The following MAST4 variants were observed in gnomAD, a reference collection of about 807,000 sequenced individuals.
MAST4 encodes microtubule-associated serine/threonine-protein kinase 4.
In MAST4, 89 loss-of-function variants were observed where a neutral mutation model predicts 162.7. The ratio of observed to expected loss-of-function variants is 0.55; its 90% CI spans 0.46 to 0.65. MAST4 has a LOEUF of 0.65. Ranked by LOEUF, MAST4 falls within the 30% of genes least tolerant of loss-of-function variation. The pLI, the probability that MAST4 is intolerant of heterozygous loss-of-function variation, is 0.00. For missense variants in MAST4, 3,153 were observed against 3,374.0 expected, an observed-to-expected ratio of 0.93 and a Z score of 1.62; for synonymous variants, 1,479 against 1,361.1, an observed-to-expected ratio of 1.09 and a Z score of -1.91.
At chr5:66,863,700 A>AG (rs1431103212) in intron 3 of MAST4, among the ~76,000 whole-genome samples, 1 of 152,112 alleles carries the variant, frequency 6.6e-6, no homozygotes, top group Non-Finnish European at 1.5e-5. Context: ...TCCTGGCAGG[A>AG]GACAGGAGAC....
At chr5:66,788,870 T>G in intron 3 of MAST4, 76 bp downstream of exon 3, 1 of 1,434,818 alleles carries the variant, frequency 7.0e-7, no homozygotes. Context: ...TAATTGAGTT[T>G]AACTATATTT....
chr5:66,934,981 A>T (rs1742580082), intron 4 of MAST4, among the ~76,000 whole-genome samples: 1 of 152,168 alleles, frequency 6.6e-6, no homozygotes, highest in Non-Finnish European at 1.5e-5. Flanking sequence ...GTGTTTTTTC[A>T]GTAGGTAAGG....
At chr5:66,885,927 T>C (rs565151684) in intron 3 of MAST4, among the ~76,000 whole-genome samples, 3 of 152,346 alleles carry the variant, frequency 2.0e-5, no homozygotes, top group African/African-American at 4.8e-5. Context: ...GTGCTCAGTG[T>C]GTGCCAGTTA....
intron 4 of MAST4, chr5:67,004,893 A>AT (rs66551443): frequency 0.24 from 152,712 of 629,962 alleles, 11,500 homozygotes; most frequent in Non-Finnish European, 0.26. Context: ...GATAATTGGG[A>AT]TTTTTTTTTT....
intron 1 of MAST4, among the ~76,000 whole-genome samples, chr5:66,632,811 T>G (rs533129667): frequency 6.6e-6 from 1 of 152,292 alleles, no homozygotes; most frequent in South Asian, 2.1e-4. Context: ...AAATGAAGTG[T>G]TTTATATATA....
At chr5:66,921,406 A>G (rs1298423245) in intron 4 of MAST4, among the ~76,000 whole-genome samples, 1 of 152,166 alleles carries the variant, frequency 6.6e-6, no homozygotes, top group Non-Finnish European at 1.5e-5. Flanking sequence ...ATTTATATCA[A>G]ACTGAAATAA....
At chr5:67,018,447 C>T (rs1170978109) in intron 4 of MAST4, among the ~76,000 whole-genome samples, 2 of 151,912 alleles carry the variant, frequency 1.3e-5, no homozygotes, top group Non-Finnish European at 2.9e-5. Context: ...CCCGAGAGGT[C>T]GCAGCTGCAG....
At chr5:66,669,893 A>T (rs1285061718) in intron 1 of MAST4, among the ~76,000 whole-genome samples, 1 of 152,218 alleles carries the variant, frequency 6.6e-6, no homozygotes, top group Non-Finnish European at 1.5e-5. Context: ...TTGCCAGGAA[A>T]AAATGGGCAA....
At position 66,918,228 on chromosome 5, in the gene MAST4, GT is replaced by G. The variant is rs1561444176; in HGVS notation, c.674+18251del. Among the ~76,000 whole-genome samples, 11 of 152,170 alleles carry G rather than the reference GT, an allele frequency of 7.2e-5. No homozygotes were observed. The South Asian group carries it at 2.3e-3, about 32-fold the overall frequency. On this transcript the variant is annotated intron_variant, in intron 4 of 28. Coordinates refer to ENST00000403625, the MANE Select transcript of MAST4 (RefSeq NM_001164664.2). ...GGGTTAAAGTTTTCAATGAATGTAA[GT>G]TTTTAGTTTGCATGTCTGTTTATGT...
intron 3 of MAST4, among the ~76,000 whole-genome samples, chr5:66,890,270 G>C (rs1462986642): frequency 6.6e-6 from 1 of 152,122 alleles, no homozygotes; most frequent in Non-Finnish European, 1.5e-5. Context: ...TCATGTAACT[G>C]TTGGCTACTA....
At chr5:66,859,426 G>A (rs1759928185) in intron 3 of MAST4, among the ~76,000 whole-genome samples, 1 of 152,114 alleles carries the variant, frequency 6.6e-6, no homozygotes, top group African/African-American at 2.4e-5. Context: ...ACACAGGTCA[G>A]TGTCTTCATT....
intron 1 of MAST4, among the ~76,000 whole-genome samples, chr5:66,669,028 A>G (rs1465567740): frequency 1.3e-5 from 2 of 152,248 alleles, no homozygotes; most frequent in Non-Finnish European, 2.9e-5. Context: ...CTTACTGGAT[A>G]TAGTGAGACT....
At chr5:66,683,683 G>T (rs1391966215) in intron 1 of MAST4, among the ~76,000 whole-genome samples, 2 of 152,132 alleles carry the variant, frequency 1.3e-5, no homozygotes, top group African/African-American at 2.4e-5. Flanking sequence ...CCTGCCTTGG[G>T]GTTGTTAAGA....
chr5:67,145,180 A>G lies in MAST4; in HGVS notation c.2895A>G (p.Glu965=). ...CAACATCCAACTCTTCAGATACTGA[A>G]AGCAACAGACATAAACTCAGTTCTG... ...QLSTSNSSDT[E]SNRHKLSSGL... Residue 965 remains glutamate (E), a synonymous_variant, in exon 23 of 29, where the codon GAA becomes GAG. Coordinates refer to ENST00000403625, the MANE Select transcript of MAST4 (RefSeq NM_001164664.2). 6.2e-7 allele frequency: 1 copy of G among 1,612,816 alleles called. No homozygotes were observed. The highest frequency in any genetic ancestry group is 8.5e-7 in the Non-Finnish European group (1 of 1,179,394).
chr5:67,123,297 C>G (rs1423525098), intron 14 of MAST4, among the ~76,000 whole-genome samples: 1 of 152,210 alleles, frequency 6.6e-6, no homozygotes, highest in African/African-American at 2.4e-5. Flanking sequence ...ACACACATGG[C>G]TTTCTCAGCA....
At chr5:66,892,024 G>C (rs532493401) in intron 3 of MAST4, among the ~76,000 whole-genome samples, 1 of 152,226 alleles carries the variant, frequency 6.6e-6, no homozygotes, top group South Asian at 2.1e-4. Context: ...CTTCTTTCTC[G>C]TTAGCTCTCT....
intron 1 of MAST4, among the ~76,000 whole-genome samples, chr5:66,690,620 C>T (rs770084642): frequency 1.3e-5 from 2 of 152,130 alleles, no homozygotes; most frequent in Non-Finnish European, 2.9e-5. Context: ...GCAATTTTAG[C>T]CTTTCTTCAG....
intron 3 of MAST4, among the ~76,000 whole-genome samples, chr5:66,849,891 G>A (rs1192882899): frequency 6.6e-6 from 1 of 152,162 alleles, no homozygotes; most frequent in African/African-American, 2.4e-5. Context: ...GATAAAAGCT[G>A]TGTGCACAAT....
intron 1 of MAST4, among the ~76,000 whole-genome samples, chr5:66,638,374 A>C (rs574586846): frequency 2.6e-5 from 4 of 152,286 alleles, no homozygotes; most frequent in African/African-American, 9.6e-5. Context: ...TAAGTCAATG[A>C]TAAAATGCCT....
Sources: allele counts gnomAD v4.1 joint callset (sites outside exome capture counted in the v4.1 genomes callset), GRCh38; gene constraint gnomAD v4.1.1; transcripts MANE v1.5; gene names NCBI Gene and HGNC (gene_info 2026-07-23, HGNC 2026-07-21).